Variants in GALNS observed in about 807,000 individuals in gnomAD.
GALNS encodes N-acetylgalactosamine-6-sulfatase.
In GALNS, 65 loss-of-function variants were observed where a neutral mutation model predicts 65.9. The ratio of observed to expected loss-of-function variants is 0.99; its 90% confidence interval spans 0.81 to 1.21. GALNS has a LOEUF of 1.21. GALNS is among the 50% of genes most tolerant of loss of function. The probability of loss-of-function intolerance (pLI) is 0.00; values close to 1 mark genes in which losing one functional copy is unlikely to be tolerated. For synonymous variants in GALNS, 346 were observed against 288.9 expected (o/e 1.20, Z -2.00); for missense variants, 776 against 700.7 (o/e 1.11, Z -1.21).
At chr16:88,847,356 C>CA (rs1370794818) in intron 1 of GALNS, among the ~76,000 whole-genome samples, 1 of 152,222 alleles carries the variant, frequency 6.6e-6, no homozygotes, top group South Asian at 2.1e-4. Flanking sequence ...AGGTAACAGA[C>CA]AGAGAACCCT....
chr16:88,837,669 CTTG>C lies in GALNS; in HGVS notation c.516_518del (p.Asn172del). On this transcript the variant is annotated inframe_deletion, in exon 5 of 14. Transcript: ENST00000268695. Reference sequence around the variant, plus strand: ...TGTACACAGGGATGTTGGGCCTGGCCTTGTTGTCATAAGGTCCAAAGTGGCAGT... The same window carrying C: ...TGTACACAGGGATGTTGGGCCTGGCCTTGTCATAAGGTCCAAAGTGGCAGT... 8 of 1,614,026 alleles carry C rather than the reference CTTG, an allele frequency of 5.0e-6. No homozygotes were observed. Among genetic ancestry groups the C allele is most frequent in the Non-Finnish European group, 6.8e-6 (8 of 1,180,010 alleles).
chr16:88,846,964 C>T (rs1461748641), intron 1 of GALNS, among the ~76,000 whole-genome samples: 2 of 152,074 alleles, frequency 1.3e-5, no homozygotes, highest in South Asian at 2.1e-4. Context: ...CAGACATTCA[C>T]GACACCTGGT....
chr16:88,833,405 GCTT>G (rs1170860935), intron 8 of GALNS, among the ~76,000 whole-genome samples: 1 of 145,770 alleles, frequency 6.9e-6, no homozygotes, highest in Non-Finnish European at 1.5e-5. Flanking sequence ...GCCATGCTGT[GCTT>G]CTTCTCCTTC....
At chr16:88,846,509 CT>C (rs59223444) in intron 1 of GALNS, among the ~76,000 whole-genome samples, 5,588 of 88,832 alleles carry the variant, frequency 0.063, 48 homozygotes, top group Middle Eastern at 0.08. Context: ...GCGTTTCTGG[CT>C]TTTTTTTTTT....
At chr16:88,820,695 G>T (rs565737655) in intron 12 of GALNS, among the ~76,000 whole-genome samples, 158 of 152,342 alleles carry the variant, frequency 1.0e-3, no homozygotes, top group Middle Eastern at 3.4e-3. Flanking sequence ...CTCTGCTCTG[G>T]CCTGGCTGGA....
At chr16:88,826,990 T>G in intron 9 of GALNS, 152 bp from the exon 10 acceptor site, 1 of 931,858 alleles carries the variant, frequency 1.1e-6, no homozygotes, top group Non-Finnish European at 1.7e-6. Flanking sequence ...CTGAGCGGGG[T>G]CACAAGGCCT....
chr16:88,815,131 A>C, intron 13 of GALNS: 1 of 985,446 alleles, frequency 1.0e-6, no homozygotes, highest in Non-Finnish European at 1.2e-6. Flanking sequence ...GCAGCTACAC[A>C]GACGCTCCCC....
intron 3 of GALNS, 93 bp downstream of exon 3, chr16:88,841,804 G>A: frequency 8.8e-7 from 1 of 1,142,004 alleles, no homozygotes; most frequent in Non-Finnish European, 1.3e-6. Context: ...CCTGCAGCTT[G>A]CCACCCGAGT....
chr16:88,816,387 C>T (rs1034754100), intron 13 of GALNS: 14 of 985,292 alleles, frequency 1.4e-5, no homozygotes, highest in African/African-American at 1.7e-5. Context: ...CCTGGGGCCC[C>T]GAGACTCAGG....
At chr16:88,820,739 T>C (rs1338802131) in intron 12 of GALNS, among the ~76,000 whole-genome samples, 1 of 152,186 alleles carries the variant, frequency 6.6e-6, no homozygotes, top group Non-Finnish European at 1.5e-5. Flanking sequence ...CGGGGAGCAG[T>C]GGCCCTGAGG....
In GALNS at chr16:88,856,864, A is replaced by G; in HGVS notation, c.14T>C (p.Val5Ala). Residue 5 changes from valine to alanine, a missense_variant, in exon 1 of 14, where the codon GTC becomes GCC. By Grantham distance (64) the Val-to-Ala change is moderately conservative (BLOSUM62 0). Coordinates refer to ENST00000268695, the MANE Select transcript of GALNS (RefSeq NM_000512.5). MAAV[V>A]AATRWWQLLL... is the part of the protein sequence containing the mutation. The stretch of plus-strand genomic sequence containing the variant: ...CAGCTGCCACCACCTCGTCGCCGCG[A>G]CAACCGCCGCCATGGCAACCACGGG... The G allele has an allele frequency of 6.6e-7, 1 of 1,510,142 alleles. No individual in the cohort carries two copies. The highest frequency in any genetic ancestry group is 8.8e-7 in the Non-Finnish European group (1 of 1,138,106). The allele number at this position is 1,510,142 out of a possible 1,614,324, so 93.5% of individuals were successfully genotyped here.
intron 12 of GALNS, among the ~76,000 whole-genome samples, chr16:88,818,471 T>C (rs1420633835): frequency 6.6e-6 from 1 of 152,228 alleles, no homozygotes; most frequent in African/African-American, 2.4e-5. Context: ...CAGCACTCAC[T>C]ACTACGTAAA....
intron 8 of GALNS, among the ~76,000 whole-genome samples, chr16:88,833,428 C>T (rs1911725456): frequency 1.3e-5 from 1 of 74,524 alleles, no homozygotes; most frequent in Non-Finnish European, 2.7e-5. Context: ...CCCTCCCTCC[C>T]TTTCTTTCCT....
chr16:88,851,624 A>G (rs1353754065), intron 1 of GALNS, among the ~76,000 whole-genome samples: 1 of 152,196 alleles, frequency 6.6e-6, no homozygotes, highest in Non-Finnish European at 1.5e-5. Flanking sequence ...GCCGTGACAG[A>G]CTGCACCTGG....
chr16:88,843,104 G>C, intron 1 of GALNS: 1 of 1,480,122 alleles, frequency 6.8e-7, no homozygotes, highest in African/African-American at 1.4e-5. Flanking sequence ...CTCCACTTCT[G>C]CTTGGTCTTC....
At chr16:88,816,531 C>G (rs1334298185) in intron 13 of GALNS, 20 of 386,386 alleles carry the variant, frequency 5.2e-5, no homozygotes, top group Non-Finnish European at 6.6e-5. Flanking sequence ...CCCCCGCCCC[C>G]CAACTAACGG....
At chr16:88,832,894 C>T (rs1191348366) in intron 8 of GALNS, among the ~76,000 whole-genome samples, 1 of 151,868 alleles carries the variant, frequency 6.6e-6, no homozygotes, top group Admixed American at 6.6e-5. Context: ...CAAAGAGAGA[C>T]CACGGCTAAA....
At chr16:88,821,963 G>A (rs1344714171) in intron 12 of GALNS, among the ~76,000 whole-genome samples, 2 of 152,104 alleles carry the variant, frequency 1.3e-5, no homozygotes, top group Non-Finnish European at 2.9e-5. Flanking sequence ...AAGCCTCCAG[G>A]TAGCCCTAGC....
intron 12 of GALNS, among the ~76,000 whole-genome samples, chr16:88,822,016 G>A: frequency 6.6e-6 from 1 of 152,172 alleles, no homozygotes; most frequent in Non-Finnish European, 1.5e-5. Flanking sequence ...AGCCAGGGCG[G>A]GGTCTCCAGC....
Sources: allele counts gnomAD v4.1 joint callset (sites outside exome capture counted in the v4.1 genomes callset), GRCh38; gene constraint gnomAD v4.1.1; transcripts MANE v1.5; gene names NCBI Gene and HGNC (gene_info 2026-07-23, HGNC 2026-07-21).